CADM2: variants seen among roughly 807,000 people sequenced by gnomAD.
CADM2 encodes cell adhesion molecule 2, also known as immunoglobulin superfamily member 4D.
Under a neutral mutation model 49.8 loss-of-function variants are expected in CADM2, and 12 were observed. That is an observed-to-expected ratio of 0.24 (90% CI 0.15 to 0.39). The LOEUF is 0.39. Ranked by LOEUF, CADM2 falls within the 10% of genes least tolerant of loss-of-function variation. The pLI is 1.00. For synonymous variants in CADM2, 214 were observed against 175.4 expected (o/e 1.22, Z -1.74); for missense variants, 378 against 492.3 (o/e 0.77, Z 2.20).
intron 2 of CADM2, among the ~76,000 whole-genome samples, chr3:85,780,253 TG>T (rs1282234967): frequency 2.0e-5 from 3 of 152,206 alleles, no homozygotes; most frequent in Admixed American, 6.6e-5. Flanking sequence ...GGACAGGCAA[TG>T]ATACTACTGA....
chr3:85,269,747 G>A (rs529576480), intron 1 of CADM2, among the ~76,000 whole-genome samples: 8 of 151,312 alleles, frequency 5.3e-5, no homozygotes, highest in African/African-American at 9.7e-5. Flanking sequence ...TTTACTTCCT[G>A]TTTCTTTTGA....
At chr3:85,929,707 G>A (rs1720357429) in intron 6 of CADM2, among the ~76,000 whole-genome samples, 1 of 151,992 alleles carries the variant, frequency 6.6e-6, no homozygotes, top group Non-Finnish European at 1.5e-5. Flanking sequence ...ATCCTGGAAA[G>A]TGAAGACTTT....
chr3:86,022,920 T>G (rs576887175), intron 8 of CADM2, among the ~76,000 whole-genome samples: 15 of 152,306 alleles, frequency 9.8e-5, no homozygotes, highest in African/African-American at 3.4e-4. Context: ...TGCTACTTTT[T>G]TAGTAACACT....
At chr3:85,981,799 T>G (rs1188798069) in intron 8 of CADM2, among the ~76,000 whole-genome samples, 1 of 151,778 alleles carries the variant, frequency 6.6e-6, no homozygotes, top group Non-Finnish European at 1.5e-5. Flanking sequence ...ATATTGTGAA[T>G]AGTGCTGCAA....
At chr3:85,546,279 C>G (rs968638017) in intron 1 of CADM2, among the ~76,000 whole-genome samples, 1 of 152,130 alleles carries the variant, frequency 6.6e-6, no homozygotes, top group Non-Finnish European at 1.5e-5. Context: ...AATTAATCAC[C>G]TGCGGTGATA....
chr3:85,752,588 C>T (rs1033029724), intron 2 of CADM2, among the ~76,000 whole-genome samples: 2 of 151,960 alleles, frequency 1.3e-5, no homozygotes, highest in African/African-American at 4.8e-5. Flanking sequence ...TAAACTTTTG[C>T]ATTGTTACCC....
At chr3:85,741,700 C>T (rs1165595304) in intron 2 of CADM2, among the ~76,000 whole-genome samples, 1 of 152,160 alleles carries the variant, frequency 6.6e-6, no homozygotes, top group African/African-American at 2.4e-5. Context: ...TGGAAAATTC[C>T]ATATCTGTTC....
At chr3:85,530,351 G>T (rs1386676642) in intron 1 of CADM2, among the ~76,000 whole-genome samples, 1 of 79,898 alleles carries the variant, frequency 1.3e-5, no homozygotes, top group Non-Finnish European at 1.9e-5. Flanking sequence ...TTTTTTTTGA[G>T]ACGGAGTCTC....
chr3:84,973,593 AGGGAATGTAG>A (rs536638443), intron 1 of CADM2, among the ~76,000 whole-genome samples: 1 of 152,292 alleles, frequency 6.6e-6, no homozygotes, highest in East Asian at 1.9e-4. Flanking sequence ...AGGTCAGCAG[AGGGAATGTAG>A]GGGAGAAGAG....
intron 8 of CADM2, chr3:85,993,111 T>C (rs1199311601): frequency 1.3e-5 from 2 of 152,128 alleles, no homozygotes; most frequent in African/African-American, 4.8e-5. Context: ...GGCCAAGGTG[T>C]GAGGATTGCT....
At chr3:85,559,038 A>G (rs1028829774) in intron 1 of CADM2, among the ~76,000 whole-genome samples, 4 of 151,978 alleles carry the variant, frequency 2.6e-5, no homozygotes, top group African/African-American at 9.7e-5. Flanking sequence ...TGGCTATGTT[A>G]TTTTTGTTAT....
At chr3:85,266,121 T>G (rs539658756) in intron 1 of CADM2, among the ~76,000 whole-genome samples, 3 of 151,948 alleles carry the variant, frequency 2.0e-5, no homozygotes, top group Non-Finnish European at 4.4e-5. Flanking sequence ...CTATGCTCTG[T>G]TACCTGTCTG....
At chr3:85,492,307 C>T (rs932705740) in intron 1 of CADM2, among the ~76,000 whole-genome samples, 3 of 152,104 alleles carry the variant, frequency 2.0e-5, no homozygotes, top group East Asian at 1.9e-4. Flanking sequence ...TGGAATATTT[C>T]GAAGCCAGGC....
intron 1 of CADM2, among the ~76,000 whole-genome samples, chr3:85,139,769 T>C (rs1465315975): frequency 6.6e-6 from 1 of 152,196 alleles, no homozygotes; most frequent in African/African-American, 2.4e-5. Context: ...GATTTGGCAA[T>C]TTTAATATAA....
At chr3:85,444,346 C>T (rs962580001) in intron 1 of CADM2, among the ~76,000 whole-genome samples, 1 of 151,976 alleles carries the variant, frequency 6.6e-6, no homozygotes, top group East Asian at 1.9e-4. Flanking sequence ...AAAATAAAAT[C>T]TAATAAAAAT....
intron 1 of CADM2, among the ~76,000 whole-genome samples, chr3:85,699,065 C>A (rs1417369885): frequency 6.6e-6 from 1 of 152,170 alleles, no homozygotes. Flanking sequence ...GGGTTACAGG[C>A]TCATGTAAAT....
At chr3:85,722,096 C>T (rs57266977) in intron 1 of CADM2, among the ~76,000 whole-genome samples, 22,984 of 151,980 alleles carry the variant, frequency 0.15, 1,921 homozygotes, top group African/African-American at 0.2. Flanking sequence ...TCCTGACCTC[C>T]GCAGCTCTCA....
chr3:85,469,562 T>C (rs1371584298), intron 1 of CADM2, among the ~76,000 whole-genome samples: 1 of 152,178 alleles, frequency 6.6e-6, no homozygotes, highest in Non-Finnish European at 1.5e-5. Flanking sequence ...TGAGCATTCC[T>C]CTAGGAACTT....
chr3:85,728,098 GGCT>G (rs1333923807), intron 2 of CADM2, among the ~76,000 whole-genome samples: 2 of 152,050 alleles, frequency 1.3e-5, no homozygotes, highest in Non-Finnish European at 2.9e-5. Context: ...ATAATACGCA[GGCT>G]GCTAAGTATT....
Sources: gnomAD v4.1 joint callset for allele counts (sites outside exome capture counted in the v4.1 genomes callset) on GRCh38, gnomAD v4.1.1 for gene constraint, MANE v1.5 for transcripts, NCBI Gene and HGNC (gene_info 2026-07-23, HGNC 2026-07-21) for gene names.